The following MARCHF9 variants were observed in gnomAD, a reference collection of about 807,000 sequenced individuals.
MARCHF9 encodes the protein E3 ubiquitin-protein ligase MARCHF9.
In MARCHF9, 17 loss-of-function variants were observed where a neutral mutation model predicts 35.2. That is an observed-to-expected ratio of 0.48 (90% CI 0.33 to 0.72). MARCHF9 has a LOEUF of 0.72. Ranked by LOEUF, MARCHF9 falls within the 30% of genes least tolerant of loss-of-function variation. MARCHF9 has a pLI of 0.02. For synonymous variants in MARCHF9, 183 were observed against 207.4 expected, an observed-to-expected ratio of 0.88 and a Z score of 1.01; for missense variants, 386 against 478.2, an observed-to-expected ratio of 0.81 and a Z score of 1.80.
Position 57,755,574 on chromosome 12 carries a change from C to T in MARCHF9, c.46C>T (p.Leu16=). The T allele has an allele frequency of 3.6e-6, 5 of 1,388,004 alleles. No individual in the cohort carries two copies. The highest frequency in any genetic ancestry group is 4.7e-6 in the Non-Finnish European group (5 of 1,064,516). The allele number at this position is 1,388,004 out of a possible 1,614,324, so 86.0% of individuals were successfully genotyped here. Residue 16 remains leucine (L), a synonymous_variant, in exon 1 of 4, where the codon CTG becomes TTG. Transcript: ENST00000266643. ...CATGTTTCTGAACGAGCTGAAGCTG[C>T]TGGTGCTGACAGGCGGGGGGCGGCC... ...LRMFLNELKL[L]VLTGGGRPRA... is the part of the protein sequence containing the mutation.
rs752013816 is a variant in MARCHF9, at chr12:57,758,842, C to A, written c.986C>A (p.Ala329Asp). 5 of 1,609,780 alleles carry A rather than the reference C, an allele frequency of 3.1e-6. No homozygotes were observed. The African/African-American group carries it at 6.7e-5, about 21-fold the overall frequency. ...HLLGQLRPPD[A>D]RSSSHSGREV... ...CTTGGGCAGCTGCGGCCACCAGATG[C>A]CCGTTCCAGCTCCCATTCTGGCCGA... The change falls in exon 4 of 4, where the codon GCC (alanine) becomes GAC (aspartate). Residue 329 changes from alanine (A) to aspartate (D), a missense_variant. Ala to Asp is a moderately radical substitution (Grantham distance 126). This residue lies in a region of MARCHF9 where 111 missense variants were observed against 112.4 expected (regional missense o/e 0.99). Coordinates refer to ENST00000266643, the MANE Select transcript of MARCHF9 (RefSeq NM_138396.6). This position sits in a 1 kb window ranked among gnomAD's most constrained non-coding sequence, Gnocchi z 5.4.
intron 2 of MARCHF9, chr12:57,757,659 A>G (rs1446952487): frequency 5.2e-6 from 2 of 384,408 alleles, no homozygotes; most frequent in Admixed American, 4.3e-5. Flanking sequence ...AGGAAAAAAA[A>G]AAAAAAGAAA....
In MARCHF9 at chr12:57,755,772, C is replaced by A. The variant is rs1447511521; in HGVS notation, c.244C>A (p.Pro82Thr). ...KEPRAGPLPP[P>T]APPLPPPGAL... ...GCCGCGGGCCGGACCCCTGCCGCCG[C>A]CCGCGCCGCCGCTGCCGCCCCCGGG... The change falls in exon 1 of 4, where the codon CCC (proline) becomes ACC (threonine). Residue 82 changes from proline (P) to threonine (T), a missense_variant. By Grantham distance (38) the Pro-to-Thr change is conservative (BLOSUM62 -1). Coordinates refer to ENST00000266643, the MANE Select transcript of MARCHF9 (RefSeq NM_138396.6). 4 of 1,264,848 alleles carry A rather than the reference C, an allele frequency of 3.2e-6. No homozygotes were observed. In the African/African-American group the frequency reaches 6.3e-5, roughly 20 times the overall value. 78.4% of individuals were successfully genotyped at this position (1,264,848 alleles called of 1,614,324 possible).
rs555035663 is a variant in MARCHF9 at position 57,755,705 on chromosome 12, C to T, written c.177C>T (p.Tyr59=). The T allele has an allele frequency of 4.5e-5, 56 of 1,237,866 alleles. No individual in the cohort carries two copies. The African/African-American group carries it at 7.9e-4, about 17-fold the overall frequency. The allele number at this position is 1,237,866 out of a possible 1,614,324, so 76.7% of individuals were successfully genotyped here. A position where few individuals can be genotyped will look rare whatever the true frequency, so the allele number is the denominator to read the frequency against. ...GCGACGGCGACGAGGAGGAGTACTA[C>T]GGGTCGGAGCCGCGGGCCCGGGGCC... ...RDGDGDEEEY[Y]GSEPRARGLA... is the part of the protein sequence containing the mutation. The change falls in exon 1 of 4, where the codon TAC becomes TAT. Residue 59 remains tyrosine, a synonymous_variant. Transcript: ENST00000266643.
Position 57,757,755 on chromosome 12 carries a change from T to A in MARCHF9, c.514-353T>A, listed in dbSNP as rs1955296455. 5.1e-6 allele frequency: 3 copies of A among 586,212 alleles called. No individual in the cohort carries two copies. The Admixed American group carries it at 9.3e-5, about 18-fold the overall frequency. 36.3% of individuals were successfully genotyped at this position (586,212 alleles called of 1,614,324 possible). On this transcript the variant is annotated intron_variant, in intron 2 of 3. Transcript: ENST00000266643. ...GTGTATTAACTCTTAATCTTCACAA[T>A]AATCTTATTAGATACTATTATTATC...
intron 2 of MARCHF9, chr12:57,757,687 T>G: frequency 2.2e-6 from 1 of 446,254 alleles, no homozygotes; most frequent in Non-Finnish European, 4.0e-6. Context: ...ATGATGTTGA[T>G]GATGATAGCA....
Position 57,759,077 on chromosome 12 carries a change from A to G in MARCHF9, c.*180A>G. 4 of 602,858 alleles carry G rather than the reference A, an allele frequency of 6.6e-6. No individual in the cohort carries two copies. Among genetic ancestry groups the G allele is most frequent in the Non-Finnish European group, 1.1e-5 (4 of 359,812 alleles). 37.3% of individuals were successfully genotyped at this position (602,858 alleles called of 1,614,324 possible). A position where few individuals can be genotyped will look rare whatever the true frequency, so the allele number is the denominator to read the frequency against. On this transcript the variant is annotated 3_prime_UTR_variant, in exon 4 of 4. Coordinates refer to ENST00000266643, the MANE Select transcript of MARCHF9 (RefSeq NM_138396.6). ...GCCTCACTGCCCACTGGGTAGAGAC[A>G]CCTGGATGACATTTCAGTACCCGCT...
At chr12:57,755,934 G>A (rs1217111806) in intron 1 of MARCHF9, 49 bp downstream of exon 1, 1 of 1,345,620 alleles carries the variant, frequency 7.4e-7, no homozygotes, top group South Asian at 1.5e-5. Context: ...GCGCGCACCT[G>A]GGGTGTCAGC....
intron 1 of MARCHF9, among the ~76,000 whole-genome samples, chr12:57,756,726 G>A (rs577520827): frequency 1.3e-5 from 2 of 152,228 alleles, no homozygotes; most frequent in African/African-American, 4.8e-5. Context: ...CATCTCTTTG[G>A]TATGGGAAGT....
Position 57,758,905 on chromosome 12 carries a change from T to C in MARCHF9, c.*8T>C. On this transcript the variant is annotated 3_prime_UTR_variant, in exon 4 of 4. Coordinates refer to ENST00000266643, the MANE Select transcript of MARCHF9 (RefSeq NM_138396.6). The surrounding 1 kb of genome is among the most constrained non-coding windows in gnomAD (Gnocchi z 5.4). ...AGGGTCACTACAGTCTGAACTGGAC[T>C]CCAGGAGCAGGGATCTTGAGTCAAT... 6.4e-7 allele frequency: 1 copy of C among 1,566,968 alleles called. No homozygotes were observed. The highest frequency in any genetic ancestry group is 8.7e-7 in the Non-Finnish European group (1 of 1,152,416).
intron 2 of MARCHF9, chr12:57,757,534 C>T: frequency 5.1e-6 from 1 of 196,016 alleles, no homozygotes; most frequent in Non-Finnish European, 1.1e-5. Flanking sequence ...TGCCTGTAAG[C>T]TACTCGCGAA....
chr12:57,756,879 G>C, intron 1 of MARCHF9, 50 bp from the exon 2 acceptor site: 1 of 1,419,728 alleles, frequency 7.0e-7, no homozygotes, highest in Admixed American at 2.9e-5. Flanking sequence ...GCGGCTGAGT[G>C]GGGTCGGGGT....
At position 57,758,755 on chromosome 12, in the gene MARCHF9, C is replaced by G. The variant is rs760688142; in HGVS notation, c.899C>G (p.Pro300Arg). The change falls in exon 4 of 4, where the codon CCA becomes CGA. Residue 300 changes from proline to arginine, a missense_variant. By Grantham distance (103) the Pro-to-Arg change is moderately radical (BLOSUM62 -2). This residue lies in a region of MARCHF9 where 111 missense variants were observed against 112.4 expected (regional missense o/e 0.99). Coordinates refer to ENST00000266643, the MANE Select transcript of MARCHF9 (RefSeq NM_138396.6). The surrounding 1 kb of genome is among the most constrained non-coding windows in gnomAD (Gnocchi z 5.4). ...GPTSGATSRP[P>R]AAQRMRTLLP... ...ACCTCTGGGGCCACGAGCCGCCCCC[C>G]AGCTGCCCAGCGCATGCGGACGCTC... 4.3e-6 allele frequency: 7 copies of G among 1,612,234 alleles called. No homozygotes were observed. The South Asian group carries it at 6.6e-5, about 15-fold the overall frequency.
chr12:57,756,895 TG>T, intron 1 of MARCHF9, 33 bp from the exon 2 acceptor site: 1 of 1,467,602 alleles, frequency 6.8e-7, no homozygotes. Flanking sequence ...GGGGTGGTGA[TG>T]GCTGACAGGG....
chr12:57,755,941 C>T (rs1440492101), intron 1 of MARCHF9, 56 bp downstream of exon 1: 3 of 1,295,846 alleles, frequency 2.3e-6, no homozygotes, highest in Non-Finnish European at 3.0e-6. Context: ...CCTGGGGTGT[C>T]AGCGGAGACC....
intron 2 of MARCHF9, 38 bp downstream of exon 2, chr12:57,757,122 A>G: frequency 6.7e-7 from 1 of 1,496,654 alleles, no homozygotes; most frequent in Non-Finnish European, 8.9e-7. Flanking sequence ...TTGGGCGAGG[A>G]CCTTTTAGCT....
Position 57,755,443 on chromosome 12 carries a change from C to T in MARCHF9, c.-86C>T, listed in dbSNP as rs1955278081. 2.5e-6 allele frequency: 2 copies of T among 786,580 alleles called. No homozygotes were observed. Among genetic ancestry groups the T allele is most frequent in the Non-Finnish European group, 3.5e-6 (2 of 572,814 alleles). The allele number at this position is 786,580 out of a possible 1,614,324, so 48.7% of individuals were successfully genotyped here. A position where few individuals can be genotyped will look rare whatever the true frequency, so the allele number is the denominator to read the frequency against. ...GCCCGGCTCGGCTCTCTAGCGCGCG[C>T]CCCCTTCCCGGCCTTGTCCTCTCCC... On this transcript the variant is annotated 5_prime_UTR_variant, in exon 1 of 4. Coordinates refer to ENST00000266643, the MANE Select transcript of MARCHF9 (RefSeq NM_138396.6).
rs1376654148 is a variant in MARCHF9 at position 57,758,865 on chromosome 12, C to T, written c.1009C>T (p.Arg337Ter). Residue 337 changes from arginine to a stop codon, truncating the protein, a stop_gained, in exon 4 of 4, where the codon CGA (arginine) becomes TGA (stop). Transcript: ENST00000266643. LOFTEE classifies it high-confidence loss of function. The surrounding 1 kb of genome is among the most constrained non-coding windows in gnomAD (Gnocchi z 5.4). ...PDARSSSHSG[R>*]EVVMRVTTV is the part of the protein sequence containing the mutation. The stretch of plus-strand genomic sequence containing the variant: ...TGCCCGTTCCAGCTCCCATTCTGGC[C>T]GAGAGGTTGTCATGAGGGTCACTAC... 7 of 1,605,610 alleles carry T rather than the reference C, an allele frequency of 4.4e-6. No homozygotes were observed. Among genetic ancestry groups the T allele is most frequent in the African/African-American group, 1.3e-5 (1 of 74,926 alleles).
At chr12:57,755,992 G>C (rs1383310924) in intron 1 of MARCHF9, 107 bp downstream of exon 1, 1 of 788,758 alleles carries the variant, frequency 1.3e-6, no homozygotes, top group Non-Finnish European at 1.7e-6. Context: ...GCGGGCCCCA[G>C]GACACGGAGT....
Sources: allele counts gnomAD v4.1 joint callset (sites outside exome capture counted in the v4.1 genomes callset), GRCh38; gene constraint gnomAD v4.1.1; regional missense constraint gnomAD v4.1.1; non-coding constraint Gnocchi (gnomAD v3.1); transcripts MANE v1.5; gene names NCBI Gene and HGNC (gene_info 2026-07-23, HGNC 2026-07-21).